ZNF76: variants seen among roughly 807,000 people sequenced by gnomAD.
ZNF76 encodes the protein zinc finger protein 523.
In ZNF76, 66 loss-of-function variants were observed where a neutral mutation model predicts 66.9. The ratio of observed to expected loss-of-function variants is 0.99; its 90% CI spans 0.81 to 1.21. The LOEUF is 1.21. Among genes scored for constraint, ZNF76 ranks in the 50% most tolerant of loss-of-function variants. ZNF76 has a pLI of 0.00. For missense variants in ZNF76, 729 were observed against 760.3 expected (o/e 0.96, Z 0.48); for synonymous variants, 275 against 296.1 (o/e 0.93, Z 0.73).
chr6:35,295,321 C>G lies in ZNF76; in HGVS notation c.*73C>G. 1 of 1,339,562 alleles carries G rather than the reference C, an allele frequency of 7.5e-7. No homozygotes were observed. The highest frequency in any genetic ancestry group is 1.0e-6 in the Non-Finnish European group (1 of 963,178). The allele number at this position is 1,339,562 out of a possible 1,614,324, so 83.0% of individuals were successfully genotyped here. A position where few individuals can be genotyped will look rare whatever the true frequency, so the allele number is the denominator to read the frequency against. On this transcript the variant is annotated 3_prime_UTR_variant, in exon 14 of 14. Coordinates refer to ENST00000373953, the MANE Select transcript of ZNF76 (RefSeq NM_003427.5). ...CATGGCCACTCTTGCCCCCAAGGGCCCAGGCTGTGGCTGACACATAGAAGG... is the reference window on the plus strand; with the variant it reads ...CATGGCCACTCTTGCCCCCAAGGGCGCAGGCTGTGGCTGACACATAGAAGG...
chr6:35,294,665 C>G (rs1217903442), intron 13 of ZNF76, 96 bp downstream of exon 13: 7 of 891,640 alleles, frequency 7.9e-6, no homozygotes, highest in East Asian at 2.5e-5. Flanking sequence ...AGAAGGGCAT[C>G]TGACTCAAAA....
intron 12 of ZNF76, 32 bp downstream of exon 12, chr6:35,293,947 A>G: frequency 6.2e-7 from 1 of 1,609,246 alleles, no homozygotes; most frequent in Non-Finnish European, 8.5e-7. Flanking sequence ...GGGGTTTCTT[A>G]TTTTGTCATT....
chr6:35,293,633 C>T, intron 11 of ZNF76, 118 bp from the exon 12 acceptor site: 2 of 1,260,910 alleles, frequency 1.6e-6, no homozygotes, highest in East Asian at 2.3e-5. Flanking sequence ...TCCCTTCCAC[C>T]ACTATGACAT....
intron 1 of ZNF76, among the ~76,000 whole-genome samples, chr6:35,269,720 C>T (rs889999313): frequency 6.6e-6 from 1 of 152,178 alleles, no homozygotes; most frequent in Non-Finnish European, 1.5e-5. Context: ...ATCTTCTCAA[C>T]CCAGGAAATA....
chr6:35,268,856 A>G (rs1187583945), intron 1 of ZNF76, among the ~76,000 whole-genome samples: 5 of 152,036 alleles, frequency 3.3e-5, no homozygotes, highest in Admixed American at 2.6e-4. Context: ...AGATGGCCCT[A>G]ACCTGTTTTG....
Position 35,281,039 on chromosome 6 carries a change from A to G in ZNF76, c.-96-17A>G. 1 of 1,035,360 alleles carries G rather than the reference A, an allele frequency of 9.7e-7. No individual in the cohort carries two copies. The highest frequency in any genetic ancestry group is 1.5e-6 in the Non-Finnish European group (1 of 657,834). The allele number at this position is 1,035,360 out of a possible 1,614,324, so 64.1% of individuals were successfully genotyped here. On this transcript the variant is annotated splice_polypyrimidine_tract_variant and intron_variant, in intron 1 of 13. Transcript: ENST00000373953. ...AAAGCTGGTTAACTCATAATGTGAT[A>G]CTGTTTATTTTCTTAGATTTGTGAC...
intron 1 of ZNF76, among the ~76,000 whole-genome samples, chr6:35,261,694 C>T (rs1015588023): frequency 1.3e-5 from 2 of 152,182 alleles, no homozygotes; most frequent in Non-Finnish European, 2.9e-5. Context: ...TTCCTAAATA[C>T]AACATCAGCT....
chr6:35,295,136 C>A lies in ZNF76; in HGVS notation c.1609-8C>A. The stretch of plus-strand genomic sequence containing the variant: ...TGTCTCCTTCCTTCTGCACCCCCTT[C>A]CCCACAGCTGGAGGAACAGCAGACC... On this transcript the variant is annotated splice_polypyrimidine_tract_variant and splice_region_variant and intron_variant, in intron 13 of 13. Transcript: ENST00000373953. 2.5e-6 allele frequency: 4 copies of A among 1,607,532 alleles called. No individual in the cohort carries two copies. The highest frequency in any genetic ancestry group is 3.4e-6 in the Non-Finnish European group (4 of 1,176,040).
intron 1 of ZNF76, among the ~76,000 whole-genome samples, chr6:35,265,508 A>G (rs1785883915): frequency 7.0e-6 from 1 of 142,230 alleles, no homozygotes; most frequent in Non-Finnish European, 1.5e-5. Context: ...CTCTGTCTCA[A>G]AAAAAAAAAA....
chr6:35,293,030 G>A lies in ZNF76; in HGVS notation c.1315G>A (p.Asp439Asn), dbSNP rs771782628. Residue 439 changes from aspartate to asparagine, a missense_variant, in exon 11 of 14, where the codon GAT (aspartate) becomes AAT (asparagine). By Grantham distance (23) the Asp-to-Asn change is conservative. Coordinates refer to ENST00000373953, the MANE Select transcript of ZNF76 (RefSeq NM_003427.5). ...GAPQVALITQ[D>N]GAQQVSLSPE... The stretch of plus-strand genomic sequence containing the variant: ...CCCCCAGGTGGCTCTGATCACTCAG[G>A]ATGGTGCCCAGCAGGTACAGGCCCT... The A allele has an allele frequency of 1.2e-6, 2 of 1,614,084 alleles. No individual in the cohort carries two copies. Among genetic ancestry groups the A allele is most frequent in the African/African-American group, 1.3e-5 (1 of 75,076 alleles).
Position 35,295,687 on chromosome 6 carries a change from C to A in ZNF76, c.*439C>A. ...TGTCCTGCCCTCCCAGCAATAACCA[C>A]CTCCCTGGAGGCCAGCTGAGATGCC... On this transcript the variant is annotated 3_prime_UTR_variant, in exon 14 of 14. Coordinates refer to ENST00000373953, the MANE Select transcript of ZNF76 (RefSeq NM_003427.5). The A allele has an allele frequency of 4.8e-6, 1 of 209,236 alleles. No individual in the cohort carries two copies. Among genetic ancestry groups the A allele is most frequent in the South Asian group, 7.4e-5 (1 of 13,486 alleles). 13.0% of individuals were successfully genotyped at this position (209,236 alleles called of 1,614,324 possible). A position where few individuals can be genotyped will look rare whatever the true frequency, so the allele number is the denominator to read the frequency against.
chr6:35,293,964 C>A (rs777049738), intron 12 of ZNF76, 49 bp downstream of exon 12: 1 of 1,600,820 alleles, frequency 6.2e-7, no homozygotes, highest in Non-Finnish European at 8.5e-7. Context: ...CATTCCTTTC[C>A]ATGGGGCGGG....
intron 12 of ZNF76, chr6:35,294,138 TTTG>T (rs1790844733): frequency 1.5e-5 from 9 of 612,006 alleles, no homozygotes; most frequent in Non-Finnish European, 2.5e-5. Context: ...TCAACCCTGA[TTTG>T]TTGTGCAACC....
At chr6:35,283,299 G>A (rs1789056743) in intron 2 of ZNF76, among the ~76,000 whole-genome samples, 2 of 152,120 alleles carry the variant, frequency 1.3e-5, no homozygotes, top group Admixed American at 6.6e-5. Flanking sequence ...TTTTCCCTCT[G>A]CTCAGGGTAG....
In ZNF76 at chr6:35,290,416, A is replaced by G. The variant is rs931906839; in HGVS notation, c.549+34A>G. 6 of 1,609,724 alleles carry G rather than the reference A, an allele frequency of 3.7e-6. No individual in the cohort carries two copies. In the South Asian group the frequency reaches 6.6e-5, roughly 18 times the overall value. ...GCTGGCAGACAGCCGTCAGCTCTGC[A>G]GTCTTCCCTCCCAGGCTGTAATTCT... is the stretch of plus-strand genomic sequence containing the variant. On this transcript the variant is annotated intron_variant, in intron 6 of 13. Transcript: ENST00000373953.
intron 1 of ZNF76, among the ~76,000 whole-genome samples, chr6:35,278,975 G>A (rs1788339489): frequency 6.6e-6 from 1 of 152,212 alleles, no homozygotes; most frequent in Non-Finnish European, 1.5e-5. Context: ...GAGTACTGAA[G>A]TAGGTTGAGC....
upstream of ZNF76, chr6:35,259,654 G>A (rs1784879618): frequency 6.6e-6 from 1 of 151,518 alleles, no homozygotes; most frequent in African/African-American, 2.5e-5. Context: ...TTCTATACGG[G>A]TTCCGGGGCC....
chr6:35,279,820 A>C (rs1320151484), intron 1 of ZNF76: 2 of 152,594 alleles, frequency 1.3e-5, no homozygotes, highest in Non-Finnish European at 2.9e-5. Flanking sequence ...ACAGCCTTCC[A>C]AATGTATTGT....
Position 35,292,854 on chromosome 6 carries a change from A to T in ZNF76, c.1166-27A>T, listed in dbSNP as rs755013741. Reference sequence around the variant, plus strand: ...GCCTCCCCATGGCATCTGGTAGCAGATGTCAGCCTTGGCTCTCCTCTCCCA... The same window carrying T: ...GCCTCCCCATGGCATCTGGTAGCAGTTGTCAGCCTTGGCTCTCCTCTCCCA... On this transcript the variant is annotated intron_variant, in intron 10 of 13. Coordinates refer to ENST00000373953, the MANE Select transcript of ZNF76 (RefSeq NM_003427.5). The surrounding 1 kb of genome is among the most constrained non-coding windows in gnomAD (Gnocchi z 4.7). The T allele has an allele frequency of 1.6e-5, 26 of 1,613,872 alleles. No homozygotes were observed. The South Asian group carries it at 2.4e-4, about 15-fold the overall frequency.
Sources: allele counts gnomAD v4.1 joint callset (sites outside exome capture counted in the v4.1 genomes callset), GRCh38; gene constraint gnomAD v4.1.1; non-coding constraint Gnocchi (gnomAD v3.1); transcripts MANE v1.5; gene names NCBI Gene and HGNC (gene_info 2026-07-23, HGNC 2026-07-21).